The following CFAP61 variants were observed in gnomAD, a reference collection of about 807,000 sequenced individuals.
CFAP61 encodes the protein cilia- and flagella-associated protein 61.
CFAP61 carries 107 observed loss-of-function variants against 135.6 expected under a neutral mutation model. The ratio of observed to expected loss-of-function variants is 0.79; its 90% CI spans 0.67 to 0.93. The LOEUF (loss-of-function observed/expected upper bound fraction) is 0.93, where lower values mean the gene tolerates loss of function less well. CFAP61 is among the 40% of genes least tolerant of loss of function. CFAP61 has a pLI of 0.00. For synonymous variants in CFAP61, 575 were observed against 578.5 expected (o/e 0.99, Z 0.09); for missense variants, 1,507 against 1,556.2 (o/e 0.97, Z 0.53).
At chr20:20,229,591 G>A (rs935026545) in intron 18 of CFAP61, among the ~76,000 whole-genome samples, 8 of 152,230 alleles carry the variant, frequency 5.3e-5, no homozygotes, top group African/African-American at 1.9e-4. Context: ...GCAAATGGAT[G>A]GAGGAAATGA....
At chr20:20,269,033 G>A (rs1396428305) in intron 21 of CFAP61, among the ~76,000 whole-genome samples, 4 of 150,312 alleles carry the variant, frequency 2.7e-5, no homozygotes, top group African/African-American at 9.8e-5. Context: ...AGAGCAGAAC[G>A]GGACAGGTCA....
intron 13 of CFAP61, among the ~76,000 whole-genome samples, chr20:20,177,807 G>A (rs933586342): frequency 7.3e-5 from 2 of 27,506 alleles, no homozygotes; most frequent in Non-Finnish European, 2.3e-4. Context: ...GAGTGGGAGA[G>A]GGGCTGCCAT....
chr20:20,198,472 C>T (rs963701488), intron 16 of CFAP61, among the ~76,000 whole-genome samples: 1 of 152,168 alleles, frequency 6.6e-6, no homozygotes, highest in Non-Finnish European at 1.5e-5. Flanking sequence ...CCTCTAAAAA[C>T]ATGCTTGGAA....
chr20:20,291,526 A>G (rs756016689), intron 24 of CFAP61, among the ~76,000 whole-genome samples: 9 of 152,024 alleles, frequency 5.9e-5, no homozygotes, highest in Admixed American at 4.6e-4. Flanking sequence ...ATGATCCTCT[A>G]TTGTCTGGTT....
Position 20,234,122 on chromosome 20 carries a change from T to C in CFAP61, c.2060+5746T>C, listed in dbSNP as rs146478759. ...AAACAAAGCATTTGGATACAAGTAGTTTATTTGGGAGTGATCCTAGGGAAC... is the reference window on the plus strand; with the variant it reads ...AAACAAAGCATTTGGATACAAGTAGCTTATTTGGGAGTGATCCTAGGGAAC... On this transcript the variant is annotated intron_variant, in intron 18 of 26. Transcript: ENST00000245957. 7.3e-3 allele frequency among the ~76,000 whole-genome samples: 1,110 copies of C among 152,174 alleles called. 18 individuals are homozygous for C. Among genetic ancestry groups the C allele is most frequent in the African/African-American group, 0.025 (1,024 of 41,488 alleles).
chr20:20,098,901 A>G (rs2047796208), intron 8 of CFAP61, 87 bp downstream of exon 8: 1 of 1,206,670 alleles, frequency 8.3e-7, no homozygotes, highest in Non-Finnish European at 1.1e-6. Context: ...GGAACTAGAT[A>G]GGATGCTTTA....
At chr20:20,253,639 G>A (rs962485593) in intron 20 of CFAP61, 3 of 456,642 alleles carry the variant, frequency 6.6e-6, no homozygotes, top group African/African-American at 4.0e-5. Flanking sequence ...TGTTTGGCCT[G>A]GACGCACCTA....
chr20:20,188,150 A>G, intron 14 of CFAP61, 94 bp downstream of exon 14: 1 of 1,336,892 alleles, frequency 7.5e-7, no homozygotes, highest in South Asian at 1.3e-5. Flanking sequence ...CTGAGTTGGA[A>G]AATCATATGG....
chr20:20,237,341 A>G (rs1373944301), intron 18 of CFAP61, among the ~76,000 whole-genome samples: 1 of 152,110 alleles, frequency 6.6e-6, no homozygotes, highest in Non-Finnish European at 1.5e-5. Context: ...CCGTTTCTCC[A>G]GGTCGCATCC....
chr20:20,104,889 T>A (rs1416869629), intron 8 of CFAP61, among the ~76,000 whole-genome samples: 1 of 152,186 alleles, frequency 6.6e-6, no homozygotes, highest in Non-Finnish European at 1.5e-5. Context: ...TTTTTCTTTT[T>A]ATAAGGACAC....
chr20:20,198,670 G>A (rs1392067963), intron 16 of CFAP61, among the ~76,000 whole-genome samples: 1 of 152,148 alleles, frequency 6.6e-6, no homozygotes, highest in East Asian at 1.9e-4. Flanking sequence ...CCTCTGGTCA[G>A]GGCATGTATT....
chr20:20,329,145 C>T (rs2057881899), intron 25 of CFAP61, among the ~76,000 whole-genome samples: 1 of 151,986 alleles, frequency 6.6e-6, no homozygotes, highest in African/African-American at 2.4e-5. Context: ...CCTGATCCCA[C>T]CACCCCTCAG....
chr20:20,159,053 C>G (rs1207622357), intron 9 of CFAP61, among the ~76,000 whole-genome samples: 1 of 152,168 alleles, frequency 6.6e-6, no homozygotes, highest in African/African-American at 2.4e-5. Context: ...GTGCACCTTT[C>G]AAGTTAAACA....
At chr20:20,223,955 A>C (rs1206263629) in intron 17 of CFAP61, among the ~76,000 whole-genome samples, 1 of 152,244 alleles carries the variant, frequency 6.6e-6, no homozygotes, top group Non-Finnish European at 1.5e-5. Context: ...AATAATTTGC[A>C]ATACAGAAAT....
intron 26 of CFAP61, among the ~76,000 whole-genome samples, chr20:20,354,775 G>A (rs138442450): frequency 1.4e-4 from 21 of 146,748 alleles, no homozygotes; most frequent in South Asian, 2.2e-4. Flanking sequence ...AGGTGGTCAC[G>A]CTGAGAGGGG....
intron 17 of CFAP61, among the ~76,000 whole-genome samples, chr20:20,225,001 T>G (rs1180167437): frequency 6.6e-6 from 1 of 152,184 alleles, no homozygotes; most frequent in East Asian, 1.9e-4. Flanking sequence ...TGGCAGATGT[T>G]CAGAGGGAGA....
intron 9 of CFAP61, among the ~76,000 whole-genome samples, chr20:20,146,732 G>A (rs1237315563): frequency 2.0e-5 from 3 of 152,178 alleles, no homozygotes; most frequent in Non-Finnish European, 4.4e-5. Context: ...ACTTTTGTTA[G>A]TTGTACAATG....
At chr20:20,213,854 G>T (rs2047843782) in intron 17 of CFAP61, among the ~76,000 whole-genome samples, 1 of 151,974 alleles carries the variant, frequency 6.6e-6, no homozygotes. Flanking sequence ...GTTGTTAACT[G>T]TTTTTTCACA....
Position 20,360,436 on chromosome 20 carries a change from G to A in CFAP61, c.*26G>A, listed in dbSNP as rs1602210086. 4 of 1,602,242 alleles carry A rather than the reference G, an allele frequency of 2.5e-6. No homozygotes were observed. The highest frequency in any genetic ancestry group is 1.3e-5 in the African/African-American group (1 of 74,400). On this transcript the variant is annotated 3_prime_UTR_variant, in exon 27 of 27. Transcript: ENST00000245957. ...TTGTAGGCAGGGTCTCCCCTTTATG[G>A]TTTTCATTTATTTAGTTCCTGGAAA...
Sources: gnomAD v4.1 joint callset for allele counts (sites outside exome capture counted in the v4.1 genomes callset) on GRCh38, gnomAD v4.1.1 for gene constraint, MANE v1.5 for transcripts, NCBI Gene and HGNC (gene_info 2026-07-23, HGNC 2026-07-21) for gene names.